HDAC2: variants seen among roughly 807,000 people sequenced by gnomAD.
HDAC2 encodes the protein YY1-associated factor 1.
A neutral mutation model predicts 68.5 loss-of-function variants in HDAC2; 5 were observed. The observed-to-expected ratio is 0.07, with a 90% confidence interval of 0.04 to 0.15. The LOEUF (loss-of-function observed/expected upper bound fraction) is 0.15, where lower values mean the gene tolerates loss of function less well. Ranked by LOEUF, HDAC2 falls within the 10% of genes least tolerant of loss-of-function variation. HDAC2 has a pLI of 1.00. For synonymous variants in HDAC2, 182 were observed against 191.3 expected, an observed-to-expected ratio of 0.95 and a Z score of 0.40; for missense variants, 291 against 600.8, an observed-to-expected ratio of 0.48 and a Z score of 5.39.
rs558970898 is a variant in HDAC2, at chr6:113,948,883, A to G, written c.841+96T>C. On this transcript the variant is annotated intron_variant, in intron 8 of 13. Coordinates refer to ENST00000519065, the MANE Select transcript of HDAC2 (RefSeq NM_001527.4). ...AAAATGCAGAGTACAGTGTTAAAACAGCAGGCAAGAAACTACAATGAGAAC... is the reference window on the plus strand; with the variant it reads ...AAAATGCAGAGTACAGTGTTAAAACGGCAGGCAAGAAACTACAATGAGAAC... 1.4e-5 allele frequency: 19 copies of G among 1,376,956 alleles called. No individual in the cohort carries two copies. The South Asian group carries it at 2.6e-4, about 19-fold the overall frequency. The allele number at this position is 1,376,956 out of a possible 1,614,324, so 85.3% of individuals were successfully genotyped here. A position where few individuals can be genotyped will look rare whatever the true frequency, so the allele number is the denominator to read the frequency against.
chr6:113,944,466 C>T, intron 10 of HDAC2, 56 bp from the exon 11 acceptor site: 1 of 1,462,576 alleles, frequency 6.8e-7, no homozygotes, highest in Non-Finnish European at 9.5e-7. Flanking sequence ...GCAGTTCTTA[C>T]ATGCAAGAGA....
intron 6 of HDAC2, among the ~76,000 whole-genome samples, chr6:113,949,932 C>T (rs1388615874): frequency 6.6e-6 from 1 of 152,136 alleles, no homozygotes; most frequent in Admixed American, 6.5e-5. Flanking sequence ...CAGGCATGTG[C>T]CACCATGCCA....
intron 11 of HDAC2, 130 bp downstream of exon 11, chr6:113,944,150 A>C (rs1331287927): frequency 9.9e-6 from 8 of 810,790 alleles, no homozygotes; most frequent in Non-Finnish European, 1.4e-5. Context: ...TAAATCTCTG[A>C]AAGTGGCAAA....
chr6:113,936,257 GAA>G lies in HDAC2; in HGVS notation c.*4799_*4800del, dbSNP rs1287700801. 6.6e-6 allele frequency: 1 copy of G among 151,952 alleles called. No individual in the cohort carries two copies. The highest frequency in any genetic ancestry group is 1.5e-5 in the Non-Finnish European group (1 of 67,988). The allele number at this position is 151,952 out of a possible 1,614,324, so 9.4% of individuals were successfully genotyped here. A position where few individuals can be genotyped will look rare whatever the true frequency, so the allele number is the denominator to read the frequency against. Reference sequence around the variant, plus strand: ...ACATGGCCACCAAGTGACTATAAGAGAAAACACACAGAAAAAAAAATTTTAAA... The same window carrying G: ...ACATGGCCACCAAGTGACTATAAGAGAACACACAGAAAAAAAAATTTTAAA... On this transcript the variant is annotated 3_prime_UTR_variant, in exon 14 of 14. Coordinates refer to ENST00000519065, the MANE Select transcript of HDAC2 (RefSeq NM_001527.4).
chr6:113,946,351 A>C (rs549117313), intron 8 of HDAC2: 224 of 392,222 alleles, frequency 5.7e-4, no homozygotes, highest in African/African-American at 4.3e-3. Flanking sequence ...TAAAAAATTA[A>C]GATATAACTA....
At chr6:113,951,758 C>T (rs1254337722) in intron 6 of HDAC2, among the ~76,000 whole-genome samples, 2 of 152,134 alleles carry the variant, frequency 1.3e-5, no homozygotes, top group South Asian at 2.1e-4. Flanking sequence ...TGAGACACCG[C>T]GCCCGGCCCA....
intron 1 of HDAC2, chr6:113,970,507 G>A: frequency 1.0e-5 from 12 of 1,163,360 alleles, no homozygotes; most frequent in Non-Finnish European, 1.3e-5. Context: ...GTGGGCGGGA[G>A]AAGGGAGAGA....
chr6:113,971,076 C>T lies in HDAC2; in HGVS notation c.-168G>A, dbSNP rs2114630429. 6.4e-7 allele frequency: 1 copy of T among 1,553,452 alleles called. No homozygotes were observed. Among genetic ancestry groups the T allele is most frequent in the South Asian group, 1.2e-5 (1 of 84,768 alleles). Reference sequence around the variant, plus strand: ...AGGAGAGGAGGGGGCGCCGGGAAGGCTCGGTACCACCCGGCAGAGGTGCCG... The same window carrying T: ...AGGAGAGGAGGGGGCGCCGGGAAGGTTCGGTACCACCCGGCAGAGGTGCCG... On this transcript the variant is annotated 5_prime_UTR_variant, in exon 1 of 14. Transcript: ENST00000519065.
At chr6:113,952,614 G>C (rs544393438) in intron 6 of HDAC2, among the ~76,000 whole-genome samples, 1 of 152,148 alleles carries the variant, frequency 6.6e-6, no homozygotes, top group South Asian at 2.1e-4. Context: ...AATAAATTTC[G>C]ACATTTGTAT....
In HDAC2 at chr6:113,933,166, C is replaced by T. The variant is rs1775931326; in HGVS notation, c.*7892G>A. ...TTTGCAGTTTGCTTTCAAAATGATG[C>T]TCATGTTCTCATTCACTAAGTGATT... On this transcript the variant is annotated 3_prime_UTR_variant, in exon 14 of 14. Transcript: ENST00000519065. The T allele has an allele frequency of 6.6e-6, 1 of 152,198 alleles. No homozygotes were observed. The highest frequency in any genetic ancestry group is 1.5e-5 in the Non-Finnish European group (1 of 68,032). 9.4% of individuals were successfully genotyped at this position (152,198 alleles called of 1,614,324 possible).
At chr6:113,957,797 A>T (rs1370910070) in intron 3 of HDAC2, among the ~76,000 whole-genome samples, 2 of 152,132 alleles carry the variant, frequency 1.3e-5, no homozygotes, top group Non-Finnish European at 2.9e-5. Flanking sequence ...CAGGATCATA[A>T]GCTTAATAGA....
chr6:113,944,853 G>C (rs997114238), intron 10 of HDAC2, among the ~76,000 whole-genome samples: 1 of 152,174 alleles, frequency 6.6e-6, no homozygotes, highest in African/African-American at 2.4e-5. Context: ...ACAAAGGCAA[G>C]TGAACTTATC....
rs1775966914 is a variant in HDAC2, at chr6:113,934,760, T to C, written c.*6298A>G. 6.6e-6 allele frequency: 1 copy of C among 152,194 alleles called. No individual in the cohort carries two copies. Among genetic ancestry groups the C allele is most frequent in the Non-Finnish European group, 1.5e-5 (1 of 68,038 alleles). The allele number at this position is 152,194 out of a possible 1,614,324, so 9.4% of individuals were successfully genotyped here. A position where few individuals can be genotyped will look rare whatever the true frequency, so the allele number is the denominator to read the frequency against. ...AACAAAACAGCTTACAAAAGGGTGT[T>C]TGGCATCAAAAGGGAATAGCACAGG... On this transcript the variant is annotated 3_prime_UTR_variant, in exon 14 of 14. Coordinates refer to ENST00000519065, the MANE Select transcript of HDAC2 (RefSeq NM_001527.4).
At chr6:113,941,125 A>T (rs1185778321) in intron 13 of HDAC2, 37 bp from the exon 14 acceptor site, 1 of 1,575,328 alleles carries the variant, frequency 6.3e-7, no homozygotes, top group Non-Finnish European at 8.7e-7. Context: ...TAAAAATGGC[A>T]CAATCTTGGT....
chr6:113,963,829 T>C lies in HDAC2; in HGVS notation c.53-3811A>G, dbSNP rs181860228. 1.1e-3 allele frequency among the ~76,000 whole-genome samples: 171 copies of C among 152,316 alleles called. 3 individuals carry two copies. The highest frequency in any genetic ancestry group is 3.0e-3 in the Admixed American group (46 of 15,296). On this transcript the variant is annotated intron_variant, in intron 1 of 13. Coordinates refer to ENST00000519065, the MANE Select transcript of HDAC2 (RefSeq NM_001527.4). ...AACTTTAATTGTCAATGCAAAGAAATTACTGTAAAGAATTATTTATCTGCA... is the reference window on the plus strand; with the variant it reads ...AACTTTAATTGTCAATGCAAAGAAACTACTGTAAAGAATTATTTATCTGCA...
chr6:113,967,450 TTA>T (rs1234440856), intron 1 of HDAC2, among the ~76,000 whole-genome samples: 63 of 152,334 alleles, frequency 4.1e-4, no homozygotes, highest in Admixed American at 3.9e-3. Flanking sequence ...ACTTTTGTAT[TTA>T]TATAGTTTTA....
chr6:113,954,319 T>TTC (rs1435868157), intron 5 of HDAC2, among the ~76,000 whole-genome samples: 4 of 152,196 alleles, frequency 2.6e-5, no homozygotes, highest in African/African-American at 9.7e-5. Flanking sequence ...ATTTCCAGAC[T>TTC]AAGCACTCAT....
Position 113,959,670 on chromosome 6 carries a change from C to G in HDAC2, c.165+236G>C, listed in dbSNP as rs1034433200. Reference sequence around the variant, plus strand: ...TGCTATACTGAGTTGTTCTCCAGAACCATGAAAGCCTAGGGTAGGGGGAAC... The same window carrying G: ...TGCTATACTGAGTTGTTCTCCAGAAGCATGAAAGCCTAGGGTAGGGGGAAC... On this transcript the variant is annotated intron_variant, in intron 2 of 13. Transcript: ENST00000519065. The G allele has an allele frequency of 1.3e-4, 36 of 275,778 alleles. 1 individual carries two copies. Among genetic ancestry groups the G allele is most frequent in the Non-Finnish European group, 1.8e-4 (27 of 150,644 alleles). 17.1% of individuals were successfully genotyped at this position (275,778 alleles called of 1,614,324 possible). A position where few individuals can be genotyped will look rare whatever the true frequency, so the allele number is the denominator to read the frequency against.
At chr6:113,942,852 A>C (rs1274190296) in intron 12 of HDAC2, among the ~76,000 whole-genome samples, 3 of 152,116 alleles carry the variant, frequency 2.0e-5, no homozygotes, top group African/African-American at 7.2e-5. Flanking sequence ...CCCAGGTCCC[A>C]AATCCCCTCC....
Sources: allele counts gnomAD v4.1 joint callset (sites outside exome capture counted in the v4.1 genomes callset), GRCh38; gene constraint gnomAD v4.1.1; transcripts MANE v1.5; gene names NCBI Gene and HGNC (gene_info 2026-07-23, HGNC 2026-07-21).